Variants in CDH7 observed in about 807,000 individuals in gnomAD.
CDH7 encodes the protein cadherin 7, also known as cadherin-7.
Under a neutral mutation model 71.8 loss-of-function variants are expected in CDH7, and 25 were observed. The ratio of observed to expected loss-of-function variants is 0.35; its 90% CI spans 0.25 to 0.49. CDH7 has a LOEUF of 0.49. Among genes scored for constraint, CDH7 ranks in the 20% least tolerant of loss-of-function variants. The probability of loss-of-function intolerance (pLI) is 0.99; values close to 1 mark genes in which losing one functional copy is unlikely to be tolerated. For missense variants in CDH7, 862 were observed against 974.6 expected (o/e 0.88, Z 1.54); for synonymous variants, 381 against 363.8 (o/e 1.05, Z -0.54).
chr18:65,780,177 T>A lies in CDH7; in HGVS notation c.210+17125T>A, dbSNP rs1910126473. Among the ~76,000 whole-genome samples the A allele has an allele frequency of 1.8e-5, 2 of 113,334 alleles. 1 individual carries two copies. The highest frequency in any genetic ancestry group is 8.2e-5 in the African/African-American group (2 of 24,460). The allele number at this position is 113,334 out of a possible 152,430, so 74.4% of individuals were successfully genotyped here. Reference sequence around the variant, plus strand: ...TTTGTTTTTTTCTTGTAAATTTGTTTGAGTTCATTGTAGATTCTGGATATT... The same window carrying A: ...TTTGTTTTTTTCTTGTAAATTTGTTAGAGTTCATTGTAGATTCTGGATATT... On this transcript the variant is annotated intron_variant, in intron 2 of 11. Transcript: ENST00000397968.
intron 8 of CDH7, 101 bp from the exon 9 acceptor site, chr18:65,858,824 A>G (rs1318179820): frequency 1.7e-6 from 2 of 1,154,562 alleles, no homozygotes; most frequent in Non-Finnish European, 2.5e-6. Flanking sequence ...GTAATACAGC[A>G]TTATGATTCT....
chr18:65,766,885 T>TTA (rs1916387537), intron 2 of CDH7, among the ~76,000 whole-genome samples: 1 of 88,616 alleles, frequency 1.1e-5, no homozygotes, highest in Non-Finnish European at 2.7e-5. Context: ...CTGTCTGACG[T>TTA]AAAAAAAAAA....
At chr18:65,770,678 G>T (rs1018534888) in intron 2 of CDH7, among the ~76,000 whole-genome samples, 4 of 152,080 alleles carry the variant, frequency 2.6e-5, no homozygotes, top group Non-Finnish European at 5.9e-5. Flanking sequence ...TATATGTTTG[G>T]TAATAAAATA....
At chr18:65,878,736 A>T (rs1349555118) in intron 11 of CDH7, among the ~76,000 whole-genome samples, 1 of 152,172 alleles carries the variant, frequency 6.6e-6, no homozygotes, top group African/African-American at 2.4e-5. Context: ...CCTTTTGGTG[A>T]AGCTGGTTGA....
At chr18:65,801,566 A>T (rs1911125660) in intron 2 of CDH7, among the ~76,000 whole-genome samples, 1 of 152,176 alleles carries the variant, frequency 6.6e-6, no homozygotes, top group Admixed American at 6.5e-5. Flanking sequence ...GAGCCTCCTT[A>T]CCAAGATCTA....
At chr18:65,790,309 GAGGT>G (rs989842198) in intron 2 of CDH7, among the ~76,000 whole-genome samples, 3 of 150,902 alleles carry the variant, frequency 2.0e-5, no homozygotes, top group African/African-American at 4.9e-5. Flanking sequence ...CCTAAGTATA[GAGGT>G]ATATGGGAAA....
Position 65,824,372 on chromosome 18 carries a change from A to G in CDH7, c.794-272A>G, listed in dbSNP as rs549077709. 2.4e-4 allele frequency among the ~76,000 whole-genome samples: 36 copies of G among 151,842 alleles called. No individual in the cohort carries two copies. In the South Asian group the frequency reaches 7.1e-3, roughly 30 times the overall value. On this transcript the variant is annotated intron_variant, in intron 5 of 11. Coordinates refer to ENST00000397968, the MANE Select transcript of CDH7 (RefSeq NM_004361.5). ...TTATTTTTATTTTTCAGTGTAGGAT[A>G]TTTCTCACTGCCAGAAATACAGGAA...
chr18:65,838,061 A>T (rs1191825970), intron 6 of CDH7, among the ~76,000 whole-genome samples: 2 of 151,142 alleles, frequency 1.3e-5, no homozygotes, highest in Non-Finnish European at 2.9e-5. Flanking sequence ...AGTAGCTGGG[A>T]TTACAGGCAC....
chr18:65,808,945 G>T (rs1911425747), intron 2 of CDH7, among the ~76,000 whole-genome samples: 1 of 152,132 alleles, frequency 6.6e-6, no homozygotes, highest in Non-Finnish European at 1.5e-5. Context: ...ATTATGTTCT[G>T]ACATACAGCA....
At chr18:65,765,498 T>C (rs1428955250) in intron 2 of CDH7, among the ~76,000 whole-genome samples, 2 of 151,530 alleles carry the variant, frequency 1.3e-5, no homozygotes, top group Non-Finnish European at 2.9e-5. Flanking sequence ...GTGATGTCTG[T>C]GCCCAGAAAT....
chr18:65,761,919 G>A (rs996629607), intron 1 of CDH7, among the ~76,000 whole-genome samples: 7 of 152,270 alleles, frequency 4.6e-5, no homozygotes, highest in African/African-American at 1.7e-4. Flanking sequence ...TATGTAGGGA[G>A]GCCCTACTAT....
At chr18:65,811,918 G>A (rs1382926441) in intron 3 of CDH7, among the ~76,000 whole-genome samples, 1 of 149,352 alleles carries the variant, frequency 6.7e-6, no homozygotes, top group African/African-American at 2.5e-5. Flanking sequence ...ATTTAAGTGT[G>A]CACAATAGTC....
intron 2 of CDH7, 102 bp downstream of exon 2, chr18:65,763,154 G>A (rs1393250301): frequency 9.6e-6 from 6 of 625,022 alleles, no homozygotes; most frequent in Middle Eastern, 4.9e-4. Context: ...TTTGCTATGG[G>A]GATGGTAAAC....
chr18:65,872,782 C>A (rs1467196117), intron 11 of CDH7, among the ~76,000 whole-genome samples: 1 of 152,046 alleles, frequency 6.6e-6, no homozygotes, highest in Non-Finnish European at 1.5e-5. Flanking sequence ...AAAGTCCCAG[C>A]TACTCGGGAA....
At chr18:65,781,962 T>TTCTCTCTC (rs575419221) in intron 2 of CDH7, among the ~76,000 whole-genome samples, 3 of 45,972 alleles carry the variant, frequency 6.5e-5, no homozygotes, top group Non-Finnish European at 1.1e-4. Context: ...CTTTCTCTCT[T>TTCTCTCTC]TCTCTCTCTC....
At position 65,880,885 on chromosome 18, in the gene CDH7, G is replaced by C; in HGVS notation, c.2349G>C (p.Leu783Phe). The change falls in exon 12 of 12, where the codon TTG (leucine) becomes TTC (phenylalanine). Residue 783 changes from leucine (L) to phenylalanine (F), a missense_variant. Coordinates refer to ENST00000397968, the MANE Select transcript of CDH7 (RefSeq NM_004361.5). Reference protein sequence around the residue: ...ADMYGTGQESLYS With the variant: ...ADMYGTGQESFYS Reference sequence around the variant, plus strand: ...TGTATGGGACTGGCCAAGAGAGTTTGTACTCATAGCCTTGGAACCTTAATT... The same window carrying C: ...TGTATGGGACTGGCCAAGAGAGTTTCTACTCATAGCCTTGGAACCTTAATT... The C allele has an allele frequency of 6.2e-7, 1 of 1,602,804 alleles. No homozygotes were observed. The highest frequency in any genetic ancestry group is 8.5e-7 in the Non-Finnish European group (1 of 1,174,652).
At chr18:65,851,421 T>G (rs753263708) in intron 7 of CDH7, among the ~76,000 whole-genome samples, 5 of 152,210 alleles carry the variant, frequency 3.3e-5, no homozygotes, top group Non-Finnish European at 5.9e-5. Flanking sequence ...ATATTTGTGT[T>G]AATCTAGCTC....
chr18:65,800,315 G>A (rs539102936), intron 2 of CDH7, among the ~76,000 whole-genome samples: 16 of 152,238 alleles, frequency 1.1e-4, no homozygotes, highest in African/African-American at 3.9e-4. Context: ...TCCTGACCTT[G>A]TGATCCTCCC....
At chr18:65,823,153 A>G (rs1236073190) in intron 5 of CDH7, among the ~76,000 whole-genome samples, 1 of 151,846 alleles carries the variant, frequency 6.6e-6, no homozygotes, top group Non-Finnish European at 1.5e-5. Flanking sequence ...TTTTCCTTCA[A>G]TGACTGCTGC....
Sources: gnomAD v4.1 joint callset for allele counts (sites outside exome capture counted in the v4.1 genomes callset) on GRCh38, gnomAD v4.1.1 for gene constraint, MANE v1.5 for transcripts, NCBI Gene and HGNC (gene_info 2026-07-23, HGNC 2026-07-21) for gene names.